The following PLAGL1 variants were observed in gnomAD, a reference collection of about 807,000 sequenced individuals.
PLAGL1 encodes PLAG1 like zinc finger 1, also known as zinc finger protein PLAGL1.
In PLAGL1, 1 loss-of-function variant was observed where a neutral mutation model predicts 4.6. The ratio of observed to expected loss-of-function variants is 0.22; its 90% CI spans 0.08 to 1.03. PLAGL1 has a LOEUF of 1.03. Ranked by LOEUF, PLAGL1 falls within the 50% of genes least tolerant of loss-of-function variation. PLAGL1 has a pLI of 0.58. For synonymous variants in PLAGL1, 240 were observed against 237.8 expected, an observed-to-expected ratio of 1.01 and a Z score of -0.08; for missense variants, 464 against 570.4, an observed-to-expected ratio of 0.81 and a Z score of 1.90.
rs1784882875 is a variant in PLAGL1, at chr6:143,968,733, CA to C, written c.-472+173del. The C allele has an allele frequency of 6.6e-6, 1 of 152,228 alleles. No individual in the cohort carries two copies. The highest frequency in any genetic ancestry group is 1.5e-5 in the Non-Finnish European group (1 of 68,084). 9.4% of individuals were successfully genotyped at this position (152,228 alleles called of 1,614,324 possible). On this transcript the variant is annotated intron_variant, in intron 3 of 7. Transcript: ENST00000674357. This position sits in a 1 kb window ranked among gnomAD's most constrained non-coding sequence, Gnocchi z 6.3. ...TTCCCCCTCAAGGCCTGAAGTTCCT[CA>C]AATGTAAATTCTCTCACAAAGTCTT... is the stretch of plus-strand genomic sequence containing the variant.
At chr6:144,058,077 T>C (rs1799119603) in intron 1 of PLAGL1, among the ~76,000 whole-genome samples, 1 of 152,190 alleles carries the variant, frequency 6.6e-6, no homozygotes, top group African/African-American at 2.4e-5. Context: ...GACTGGTTAA[T>C]TTACAAAGAA....
rs530120401 is a variant in PLAGL1, at chr6:143,997,614, G to A, written c.-584+10476C>T. Among the ~76,000 whole-genome samples, 2 of 152,260 alleles carry A rather than the reference G, an allele frequency of 1.3e-5. No individual in the cohort carries two copies. Among genetic ancestry groups the A allele is most frequent in the South Asian group, 4.2e-4 (2 of 4,812 alleles). ...GATCGCTTGAGCCTGGGAGGTTGAG[G>A]CTGCTGTGAACTGTCATCCTGTCAT... On this transcript the variant is annotated intron_variant, in intron 1 of 7. Transcript: ENST00000674357. The surrounding 1 kb of genome is among the most constrained non-coding windows in gnomAD (Gnocchi z 4.6).
chr6:144,020,575 C>T lies in PLAGL1; in HGVS notation c.-151+43893G>A, dbSNP rs1795895266. 1.3e-5 allele frequency among the ~76,000 whole-genome samples: 2 copies of T among 151,516 alleles called. 1 individual carries two copies. The highest frequency in any genetic ancestry group is 4.2e-4 in the South Asian group (2 of 4,814). Reference sequence around the variant, plus strand: ...TGCTGGGATTACAGGCATGAGCCACCACGCCCGGCCCTTTGTTTGTTTTTA... The same window carrying T: ...TGCTGGGATTACAGGCATGAGCCACTACGCCCGGCCCTTTGTTTGTTTTTA... On this transcript the variant is annotated intron_variant, in intron 1 of 3. Coordinates refer to the PLAGL1 transcript ENST00000437412.
chr6:144,047,763 CT>C (rs1364251203), intron 1 of PLAGL1, among the ~76,000 whole-genome samples: 1 of 152,126 alleles, frequency 6.6e-6, no homozygotes, highest in Non-Finnish European at 1.5e-5. Context: ...AACACAAATT[CT>C]AACCATATCA....
chr6:143,986,879 T>C (rs1340066281), intron 1 of PLAGL1, among the ~76,000 whole-genome samples: 1 of 152,106 alleles, frequency 6.6e-6, no homozygotes, highest in Non-Finnish European at 1.5e-5. Flanking sequence ...TCCTGGATGA[T>C]CTAAGTTCAA....
At chr6:144,054,786 T>A (rs200010285) in intron 1 of PLAGL1, among the ~76,000 whole-genome samples, 10,346 of 115,368 alleles carry the variant, frequency 0.09, 542 homozygotes, top group Admixed American at 0.24. Context: ...AGTGTGTGTG[T>A]GTGTGTGTGT....
intron 2 of PLAGL1, among the ~76,000 whole-genome samples, chr6:143,969,374 T>A (rs1467076339): frequency 6.6e-6 from 1 of 152,138 alleles, no homozygotes; most frequent in Non-Finnish European, 1.5e-5. Context: ...CTTTTGAGAA[T>A]TAAATAAACT....
intron 1 of PLAGL1, among the ~76,000 whole-genome samples, chr6:144,032,090 G>A (rs187565892): frequency 6.7e-6 from 1 of 150,026 alleles, no homozygotes; most frequent in Non-Finnish European, 1.5e-5. Flanking sequence ...AAAATATATG[G>A]TATATCAAGT....
intron 1 of PLAGL1, among the ~76,000 whole-genome samples, chr6:144,018,072 T>G (rs7752303): frequency 6.6e-6 from 1 of 151,938 alleles, no homozygotes; most frequent in East Asian, 1.9e-4. Flanking sequence ...GGAATAATTT[T>G]AAAAAGTTAC....
rs1261003517 is a variant in PLAGL1 at position 144,063,108 on chromosome 6, A to T, written c.-151+1360T>A. On this transcript the variant is annotated intron_variant, in intron 1 of 3. Coordinates refer to the PLAGL1 transcript ENST00000437412. The surrounding 1 kb of genome is among the most constrained non-coding windows in gnomAD (Gnocchi z 5.7). Reference sequence around the variant, plus strand: ...CCAGCCCTCCTTTCCTTCCCGTGGCAAGGGTATCCTGCCACACTCCTCTCA... The same window carrying T: ...CCAGCCCTCCTTTCCTTCCCGTGGCTAGGGTATCCTGCCACACTCCTCTCA... Among the ~76,000 whole-genome samples the T allele has an allele frequency of 6.6e-6, 1 of 152,164 alleles. No homozygotes were observed. Among genetic ancestry groups the T allele is most frequent in the Non-Finnish European group, 1.5e-5 (1 of 68,022 alleles).
At chr6:144,035,661 A>C (rs959806015) in intron 1 of PLAGL1, among the ~76,000 whole-genome samples, 1 of 152,204 alleles carries the variant, frequency 6.6e-6, no homozygotes, top group Non-Finnish European at 1.5e-5. Flanking sequence ...TAACCATCAC[A>C]GGGGGCAAGA....
chr6:143,988,379 A>G (rs1271294354), intron 1 of PLAGL1, among the ~76,000 whole-genome samples: 1 of 152,236 alleles, frequency 6.6e-6, no homozygotes, highest in Non-Finnish European at 1.5e-5. Flanking sequence ...CATCCCATAA[A>G]TGCCCTTGGC....
intron 1 of PLAGL1, among the ~76,000 whole-genome samples, chr6:144,030,450 A>G (rs1216214418): frequency 6.6e-6 from 1 of 152,182 alleles, no homozygotes; most frequent in East Asian, 1.9e-4. Context: ...CCATCACCTG[A>G]GCAGTGTACA....
chr6:144,024,554 T>C (rs972613962), intron 1 of PLAGL1, among the ~76,000 whole-genome samples: 13 of 152,202 alleles, frequency 8.5e-5, no homozygotes, highest in Admixed American at 2.0e-4. Flanking sequence ...ACTTCTGCCA[T>C]TATTGTGAGG....
rs1458701532 is a variant in PLAGL1, at chr6:143,972,919, C to T, written c.-543-3941G>A. Among the ~76,000 whole-genome samples, 2 of 152,166 alleles carry T rather than the reference C, an allele frequency of 1.3e-5. No homozygotes were observed. The highest frequency in any genetic ancestry group is 2.9e-5 in the Non-Finnish European group (2 of 68,004). The stretch of plus-strand genomic sequence containing the variant: ...ATGCAGACCATATTCCTACTTATAA[C>T]ATAGTTGTGACAAAACCTCCATTGT... On this transcript the variant is annotated intron_variant, in intron 2 of 7. Coordinates refer to ENST00000674357, the MANE Select transcript of PLAGL1 (RefSeq NM_001317162.2). This position sits in a 1 kb window ranked among gnomAD's most constrained non-coding sequence, Gnocchi z 6.8.
chr6:144,009,491 T>A (rs1794971300), upstream of PLAGL1, among the ~76,000 whole-genome samples: 1 of 152,212 alleles, frequency 6.6e-6, no homozygotes, highest in South Asian at 2.1e-4. Flanking sequence ...CTTCAAAACC[T>A]AACAGAACAA....
intron 1 of PLAGL1, among the ~76,000 whole-genome samples, chr6:144,025,920 A>G (rs1204185110): frequency 6.6e-6 from 1 of 152,050 alleles, no homozygotes; most frequent in African/African-American, 2.4e-5. Flanking sequence ...AATAACACCT[A>G]CTTGCCCAAG....
rs936735552 is a variant in PLAGL1 at position 143,950,286 on chromosome 6, G to A, written c.-324-1826C>T. 1.9e-4 allele frequency among the ~76,000 whole-genome samples: 29 copies of A among 152,170 alleles called. No homozygotes were observed. The East Asian group carries it at 4.1e-3, about 21-fold the overall frequency. On this transcript the variant is annotated intron_variant, in intron 6 of 7. Coordinates refer to ENST00000674357, the MANE Select transcript of PLAGL1 (RefSeq NM_001317162.2). This position sits in a 1 kb window ranked among gnomAD's most constrained non-coding sequence, Gnocchi z 6.3. ...GTGACTTTAACTAATTACCTGTCCC[G>A]GCTCTGCCCAAACCCCTTTCCCCCA...
chr6:144,045,996 C>T (rs9399470), intron 1 of PLAGL1, among the ~76,000 whole-genome samples: 133,000 of 152,206 alleles, frequency 0.87, 58,266 homozygotes, highest in Non-Finnish European at 0.9. Context: ...CTTGTGCATG[C>T]GTCACATAGT....
Sources: allele counts gnomAD v4.1 joint callset (sites outside exome capture counted in the v4.1 genomes callset), GRCh38; gene constraint gnomAD v4.1.1; non-coding constraint Gnocchi (gnomAD v3.1); transcripts MANE v1.5; gene names NCBI Gene and HGNC (gene_info 2026-07-23, HGNC 2026-07-21).